The following FLNB variants were observed in gnomAD, a reference collection of about 807,000 sequenced individuals.
FLNB encodes filamin-B.
A neutral mutation model predicts 250.6 loss-of-function variants in FLNB; 111 were observed. The ratio of observed to expected loss-of-function variants is 0.44; its 90% CI spans 0.38 to 0.52. The LOEUF (loss-of-function observed/expected upper bound fraction) is 0.52, where lower values mean the gene tolerates loss of function less well. Ranked by LOEUF, FLNB falls within the 20% of genes least tolerant of loss-of-function variation. The pLI is 0.00. For synonymous variants in FLNB, 1,302 were observed against 1,372.1 expected (o/e 0.95, Z 1.13); for missense variants, 2,869 against 3,447.8 (o/e 0.83, Z 4.20).
Position 58,100,373 on chromosome 3 carries a change from A to AAAAATATATATATATATATATAT in FLNB, c.1345+1466_1345+1467insAAATATATATATATATATATATA. Among the ~76,000 whole-genome samples, 437 of 104,328 alleles carry AAAAATATATATATATATATATAT rather than the reference A, an allele frequency of 4.2e-3. 10 individuals carry two copies. The highest frequency in any genetic ancestry group is 0.027 in the East Asian group (79 of 2,950). The allele number at this position is 104,328 out of a possible 152,430, so 68.4% of individuals were successfully genotyped here. On this transcript the variant is annotated intron_variant, in intron 8 of 45. Transcript: ENST00000295956. ...AATGATTTTACATATGTAAAAAAAAAATATATATATATTTGCAGGGGCGCG... is the reference window on the plus strand; with the variant it reads ...AATGATTTTACATATGTAAAAAAAAAAAAATATATATATATATATATATATATATATATATTTGCAGGGGCGCG...
At chr3:58,043,168 A>G (rs1414139694) in intron 1 of FLNB, among the ~76,000 whole-genome samples, 3 of 111,144 alleles carry the variant, frequency 2.7e-5, no homozygotes, top group African/African-American at 7.6e-5. Context: ...TTTTTTTGAG[A>G]CAGAGTTTCA....
intron 17 of FLNB, 86 bp from the exon 18 acceptor site, chr3:58,112,063 T>C: frequency 7.4e-7 from 1 of 1,347,862 alleles, no homozygotes; most frequent in East Asian, 2.3e-5. Flanking sequence ...ATAATAGACC[T>C]GGTGCTGTTG....
intron 1 of FLNB, among the ~76,000 whole-genome samples, chr3:58,027,135 T>C (rs2097124551): frequency 6.6e-6 from 1 of 151,890 alleles, no homozygotes; most frequent in Admixed American, 6.6e-5. Context: ...CCCAGGCAGA[T>C]GTCCGGACTT....
chr3:58,126,646 CAG>C lies in FLNB; in HGVS notation c.4109_4110del (p.Glu1370ValfsTer16). ...CTTGGCATAACTGTTGAGGGACCAT[CAG>C]AGTCGAAGATAAATTGCAGAGACAA... On this transcript the variant is annotated frameshift_variant, in exon 24 of 46. Coordinates refer to ENST00000295956, the MANE Select transcript of FLNB (RefSeq NM_001457.4). LOFTEE classifies it high-confidence loss of function. 1 of 1,614,000 alleles carries C rather than the reference CAG, an allele frequency of 6.2e-7. No homozygotes were observed. Among genetic ancestry groups the C allele is most frequent in the Non-Finnish European group, 8.5e-7 (1 of 1,179,876 alleles).
At chr3:58,081,009 G>C (rs894581634) in intron 3 of FLNB, among the ~76,000 whole-genome samples, 1 of 152,048 alleles carries the variant, frequency 6.6e-6, no homozygotes, top group Non-Finnish European at 1.5e-5. Flanking sequence ...GGCCAGGCTT[G>C]TCTCGAACTC....
intron 1 of FLNB, among the ~76,000 whole-genome samples, chr3:58,070,029 T>C (rs1259330672): frequency 2.0e-5 from 3 of 148,576 alleles, no homozygotes; most frequent in Non-Finnish European, 3.0e-5. Flanking sequence ...GAGACAGGCA[T>C]TGTGCTTGAC....
At position 58,159,698 on chromosome 3, in the gene FLNB, G is replaced by A. The variant is rs779690433; in HGVS notation, c.7021+12G>A. 1.2e-5 allele frequency: 20 copies of A among 1,611,934 alleles called. No individual in the cohort carries two copies. The highest frequency in any genetic ancestry group is 1.7e-5 in the Admixed American group (1 of 59,996). On this transcript the variant is annotated intron_variant, in intron 42 of 45. Coordinates refer to ENST00000295956, the MANE Select transcript of FLNB (RefSeq NM_001457.4). Reference sequence around the variant, plus strand: ...TGAGCTGGAGCCAGGTGAGCAGGAGGCCTGCTGGGGGGTCCCAGCACCAGC... The same window carrying A: ...TGAGCTGGAGCCAGGTGAGCAGGAGACCTGCTGGGGGGTCCCAGCACCAGC...
chr3:58,021,769 G>GT (rs891963788), intron 1 of FLNB, among the ~76,000 whole-genome samples: 6 of 145,152 alleles, frequency 4.1e-5, no homozygotes, highest in Non-Finnish European at 7.6e-5. Context: ...CCAACACCTT[G>GT]TTTTTTTGTT....
intron 1 of FLNB, among the ~76,000 whole-genome samples, chr3:58,057,911 C>T (rs986101802): frequency 2.9e-4 from 44 of 152,284 alleles, no homozygotes; most frequent in African/African-American, 1.1e-3. Context: ...CTACCTCAGC[C>T]TCCCGAGTAG....
At chr3:58,028,290 A>G (rs2106745400) in intron 1 of FLNB, among the ~76,000 whole-genome samples, 1 of 152,164 alleles carries the variant, frequency 6.6e-6, no homozygotes, top group East Asian at 1.9e-4. Context: ...TTGAATACAA[A>G]CGAAGATCGA....
chr3:58,124,969 CTT>C (rs912597408), intron 22 of FLNB, among the ~76,000 whole-genome samples: 4 of 152,092 alleles, frequency 2.6e-5, no homozygotes, highest in African/African-American at 9.7e-5. Flanking sequence ...ACGGGTTTCG[CTT>C]TTTCTTTTGG....
At chr3:58,151,526 C>T (rs1312802322) in intron 38 of FLNB, 1 of 152,008 alleles carries the variant, frequency 6.6e-6, no homozygotes, top group African/African-American at 2.4e-5. Context: ...CAGAGTTGGA[C>T]CCTGGCTGCC....
At position 58,146,923 on chromosome 3, in the gene FLNB, C is replaced by A; in HGVS notation, c.5658C>A (p.Gly1886=). ...TGACCTACCTGCCGACTCTGCCAGG[C>A]GACTACAGCATTCTGGTCAAGTACA... ...CTVTYLPTLP[G]DYSILVKYND... Residue 1886 remains glycine, a synonymous_variant, in exon 34 of 46, where the codon GGC becomes GGA. Transcript: ENST00000295956. The A allele has an allele frequency of 6.2e-7, 1 of 1,614,170 alleles. No homozygotes were observed. Among genetic ancestry groups the A allele is most frequent in the Non-Finnish European group, 8.5e-7 (1 of 1,180,032 alleles).
At chr3:58,069,468 T>C (rs2097190977) in intron 1 of FLNB, among the ~76,000 whole-genome samples, 1 of 152,074 alleles carries the variant, frequency 6.6e-6, no homozygotes. Context: ...CTCGAACTCG[T>C]GACCTCAGGA....
In FLNB at chr3:58,067,942, G is replaced by A. The variant is rs868793105; in HGVS notation, c.293-9104G>A. Among the ~76,000 whole-genome samples, 18 of 152,164 alleles carry A rather than the reference G, an allele frequency of 1.2e-4. No homozygotes were observed. The Middle Eastern group carries it at 0.02, about 173-fold the overall frequency. On this transcript the variant is annotated intron_variant, in intron 1 of 45. Transcript: ENST00000295956. ...AAGCATGTAGAGTGTGGGTTTTTTC[G>A]GTCTTCAGGTTGGCAGGGCATCTGA... is the stretch of plus-strand genomic sequence containing the variant.
At chr3:58,166,834 T>A (rs1044294178) in intron 43 of FLNB, among the ~76,000 whole-genome samples, 40 of 131,036 alleles carry the variant, frequency 3.1e-4, no homozygotes, top group African/African-American at 1.2e-3. Flanking sequence ...AAAAAAAATA[T>A]TAGTAATAAG....
intron 16 of FLNB, 92 bp downstream of exon 16, chr3:58,110,262 T>C: frequency 7.6e-7 from 1 of 1,319,680 alleles, no homozygotes; most frequent in African/African-American, 1.4e-5. Flanking sequence ...TTTGGTGTTT[T>C]GTTAGTATTA....
At chr3:58,014,225 C>A (rs1011842527) in intron 1 of FLNB, among the ~76,000 whole-genome samples, 10 of 152,186 alleles carry the variant, frequency 6.6e-5, no homozygotes, top group African/African-American at 2.4e-4. Context: ...GGGAGAACAG[C>A]TTGGTTGGCT....
rs374106184 is a variant in FLNB, at chr3:58,108,448, T to A, written c.1942-10T>A. ...CACAGAAAGAGACTTACTATCTGCC[T>A]TTGCTTCAGGTTCGAGCATACGGGC... On this transcript the variant is annotated splice_polypyrimidine_tract_variant and intron_variant, in intron 12 of 45. Transcript: ENST00000295956. The A allele has an allele frequency of 1.8e-5, 28 of 1,589,268 alleles. 1 individual carries two copies. The highest frequency in any genetic ancestry group is 1.0e-4 in the Admixed American group (6 of 59,924).
Sources: allele counts gnomAD v4.1 joint callset (sites outside exome capture counted in the v4.1 genomes callset), GRCh38; gene constraint gnomAD v4.1.1; transcripts MANE v1.5; gene names NCBI Gene and HGNC (gene_info 2026-07-23, HGNC 2026-07-21).